The following PIR variants were observed in gnomAD, a reference collection of about 807,000 sequenced individuals.
The protein encoded by PIR is pirin (iron-binding nuclear protein).
In PIR, 22 loss-of-function variants were observed where a neutral mutation model predicts 24.2. That is an observed-to-expected ratio of 0.91 (90% CI 0.65 to 1.30). The LOEUF (loss-of-function observed/expected upper bound fraction) is 1.30. PIR is among the 50% of genes most tolerant of loss of function. PIR has a pLI of 0.00. For synonymous variants in PIR, 80 were observed against 79.6 expected, an observed-to-expected ratio of 1.00 and a Z score of -0.03; for missense variants, 220 against 220.3, an observed-to-expected ratio of 1.00 and a Z score of 0.01.
intron 7 of PIR, among the ~76,000 whole-genome samples, chrX:15,401,861 G>A (rs1924398892): frequency 9.0e-6 from 1 of 111,567 alleles, no homozygotes; most frequent in Admixed American, 9.5e-5. Context: ...AAGAATTGCT[G>A]TCCTATTTAT....
chrX:15,441,982 A>T (rs772949057), intron 5 of PIR, among the ~76,000 whole-genome samples: 1 of 110,916 alleles, frequency 9.0e-6, no homozygotes, highest in East Asian at 2.8e-4. Flanking sequence ...TCTCCCTCTC[A>T]ATTCGTTCGG....
intron 2 of PIR, among the ~76,000 whole-genome samples, chrX:15,482,306 T>C (rs1271586636): frequency 2.7e-5 from 3 of 112,055 alleles, no homozygotes; most frequent in African/African-American, 9.7e-5. Context: ...GAAATGGTGG[T>C]GGTAGACATC....
At chrX:15,481,705 C>T (rs963088577) in intron 2 of PIR, among the ~76,000 whole-genome samples, 4 of 111,941 alleles carry the variant, frequency 3.6e-5, no homozygotes, top group African/African-American at 9.7e-5. Context: ...AATTTTTGAA[C>T]CCTGCTAAGC....
chrX:15,387,073 C>CTTTTTGTTTTTTTTTTTTTTTTTTT, intron 9 of PIR, among the ~76,000 whole-genome samples: 1 of 12,698 alleles, frequency 7.9e-5, no homozygotes, highest in Admixed American at 1.5e-3. Flanking sequence ...CTTTTCTTTT[C>CTTTTTGTTTTTTTTTTTTTTTTTTT]TTTTTTTTTT....
chrX:15,435,541 C>T (rs980047427), intron 5 of PIR, among the ~76,000 whole-genome samples: 4 of 112,210 alleles, frequency 3.6e-5, no homozygotes, highest in African/African-American at 6.5e-5. Flanking sequence ...GGAGTCCCAA[C>T]TAATAGAGTA....
intron 3 of PIR, among the ~76,000 whole-genome samples, chrX:15,472,236 T>C (rs915204489): frequency 2.7e-5 from 3 of 112,069 alleles, no homozygotes; most frequent in Non-Finnish European, 5.6e-5. Context: ...CAACTGAACA[T>C]TCTAAAGGTA....
chrX:15,417,258 A>C (rs1164045374), intron 6 of PIR, among the ~76,000 whole-genome samples: 3 of 112,570 alleles, frequency 2.7e-5, no homozygotes, highest in Non-Finnish European at 5.6e-5. Flanking sequence ...TCCGGCTGAC[A>C]CTTTGATCGT....
chrX:15,459,554 TAG>T (rs1166870405), intron 4 of PIR, 101 bp downstream of exon 4: 11 of 512,472 alleles, frequency 2.1e-5, no homozygotes, highest in Admixed American at 1.7e-4. Flanking sequence ...AAGAATATAA[TAG>T]AGAGAGTGTG....
intron 5 of PIR, among the ~76,000 whole-genome samples, chrX:15,432,847 T>C (rs1925554834): frequency 2.7e-5 from 3 of 111,541 alleles, no homozygotes; most frequent in African/African-American, 9.8e-5. Context: ...AATAGGTAGA[T>C]TTGAAATAAT....
chrX:15,444,858 G>A (rs1157383138), intron 5 of PIR, among the ~76,000 whole-genome samples: 2 of 111,589 alleles, frequency 1.8e-5, no homozygotes, highest in Non-Finnish European at 3.8e-5. Context: ...GGAGGCTGCT[G>A]AGGAAAAGAA....
At chrX:15,404,416 C>T (rs1171761200) in intron 7 of PIR, among the ~76,000 whole-genome samples, 1 of 112,303 alleles carries the variant, frequency 8.9e-6, no homozygotes, top group Non-Finnish European at 1.9e-5. Flanking sequence ...CCTAAATTTC[C>T]ATTTTATGCA....
intron 8 of PIR, among the ~76,000 whole-genome samples, chrX:15,393,378 T>C (rs1000961757): frequency 2.3e-4 from 26 of 111,851 alleles, no homozygotes; most frequent in Non-Finnish European, 4.1e-4. Flanking sequence ...AAACTATGAG[T>C]AGCTACTCAG....
chrX:15,411,786 C>A (rs751593689), intron 6 of PIR, among the ~76,000 whole-genome samples: 1 of 111,455 alleles, frequency 9.0e-6, no homozygotes, highest in Non-Finnish European at 1.9e-5. Flanking sequence ...TTCTTCCCTC[C>A]CGCTCCTCCT....
intron 3 of PIR, among the ~76,000 whole-genome samples, chrX:15,475,086 G>A (rs1922123163): frequency 4.3e-5 from 4 of 93,115 alleles, no homozygotes; most frequent in African/African-American, 1.3e-4. Context: ...GCTTTTGAAA[G>A]TGGTGCACAG....
chrX:15,489,121 T>C (rs1324371125), intron 2 of PIR, among the ~76,000 whole-genome samples: 1 of 112,210 alleles, frequency 8.9e-6, no homozygotes, highest in East Asian at 2.8e-4. Flanking sequence ...GAAATCAAAG[T>C]TATTTTCATA....
At chrX:15,435,756 G>A (rs1206024589) in intron 5 of PIR, among the ~76,000 whole-genome samples, 1 of 112,186 alleles carries the variant, frequency 8.9e-6, no homozygotes, top group Non-Finnish European at 1.9e-5. Flanking sequence ...CCCCTGCATG[G>A]GGAGCCATAC....
chrX:15,434,256 A>G (rs1428279751), intron 5 of PIR, among the ~76,000 whole-genome samples: 1 of 103,361 alleles, frequency 9.7e-6, no homozygotes, highest in African/African-American at 3.6e-5. Context: ...AAGGAGAAAG[A>G]AGAAGGAGGA....
At position 15,425,561 on chromosome X, in the gene PIR, G is replaced by A. The variant is rs574352929; in HGVS notation, c.565+345C>T. Among the ~76,000 whole-genome samples, 43 of 110,078 alleles carry A rather than the reference G, an allele frequency of 3.9e-4. No individual in the cohort carries two copies. In the South Asian group the frequency reaches 0.015, roughly 39 times the overall value. On this transcript the variant is annotated intron_variant, in intron 6 of 9. Coordinates refer to ENST00000380420, the MANE Select transcript of PIR (RefSeq NM_001018109.3). The stretch of plus-strand genomic sequence containing the variant: ...CAAGTAGCTGGGACTACAGGCGTGC[G>A]CCACCACGCCCAGCTAGTTTTTGTA...
chrX:15,420,145 C>T (rs952912440), intron 6 of PIR, among the ~76,000 whole-genome samples: 2 of 111,035 alleles, frequency 1.8e-5, no homozygotes, highest in Non-Finnish European at 3.8e-5. Flanking sequence ...TGCAGTGAGC[C>T]GCGATCACAC....
Sources: gnomAD v4.1 joint callset for allele counts (sites outside exome capture counted in the v4.1 genomes callset) on GRCh38, gnomAD v4.1.1 for gene constraint, MANE v1.5 for transcripts, NCBI Gene and HGNC (gene_info 2026-07-23, HGNC 2026-07-21) for gene names.